GRID1: variants seen among roughly 807,000 people sequenced by gnomAD.
The protein encoded by GRID1 is glutamate ionotropic receptor delta type subunit 1, also known as glutamate receptor ionotropic, delta-1.
GRID1 carries 28 observed loss-of-function variants against 98.0 expected under a neutral mutation model. The ratio of observed to expected loss-of-function variants is 0.29; its 90% CI spans 0.21 to 0.39. The LOEUF (loss-of-function observed/expected upper bound fraction) is 0.39, where lower values mean the gene tolerates loss of function less well. Ranked by LOEUF, GRID1 falls within the 10% of genes least tolerant of loss-of-function variation. The probability of loss-of-function intolerance (pLI) is 1.00; values close to 1 mark genes in which losing one functional copy is unlikely to be tolerated. For synonymous variants in GRID1, 553 were observed against 538.5 expected (o/e 1.03, Z -0.37); for missense variants, 1,111 against 1,340.5 (o/e 0.83, Z 2.67).
chr10:86,150,684 T>C lies in GRID1; in HGVS notation c.521-11660A>G, dbSNP rs568960882. Among the ~76,000 whole-genome samples, 3 of 152,336 alleles carry C rather than the reference T, an allele frequency of 2.0e-5. No individual in the cohort carries two copies. The South Asian group carries it at 6.2e-4, about 32-fold the overall frequency. On this transcript the variant is annotated intron_variant, in intron 3 of 15. Coordinates refer to ENST00000327946, the MANE Select transcript of GRID1 (RefSeq NM_017551.3). ...CCCCAAAATTCATGTGTTAAAATCC[T>C]AACCCTCAAGGTGATGGTATTAGAA...
At chr10:86,220,239 G>A (rs1293396831) in intron 2 of GRID1, among the ~76,000 whole-genome samples, 2 of 152,136 alleles carry the variant, frequency 1.3e-5, no homozygotes, top group African/African-American at 2.4e-5. Flanking sequence ...AGAGGACGCC[G>A]ATTGACACAA....
intron 3 of GRID1, among the ~76,000 whole-genome samples, chr10:86,168,915 A>C (rs563182927): frequency 7.9e-5 from 12 of 152,232 alleles, no homozygotes; most frequent in African/African-American, 2.9e-4. Flanking sequence ...GGACCTTGTG[A>C]GTTCAGCTCG....
intron 3 of GRID1, among the ~76,000 whole-genome samples, chr10:86,187,721 A>G (rs1428483945): frequency 6.6e-6 from 1 of 152,208 alleles, no homozygotes; most frequent in African/African-American, 2.4e-5. Flanking sequence ...GCTCAGGCTG[A>G]GCTGAGCCCA....
intron 5 of GRID1, among the ~76,000 whole-genome samples, chr10:85,878,165 G>T (rs1840930851): frequency 6.6e-6 from 1 of 152,160 alleles, no homozygotes. Context: ...GAAAGTGACG[G>T]GGAGAATGGA....
intron 3 of GRID1, among the ~76,000 whole-genome samples, chr10:86,174,937 A>G (rs929134536): frequency 6.6e-6 from 1 of 152,154 alleles, no homozygotes; most frequent in Non-Finnish European, 1.5e-5. Flanking sequence ...CAAAACCACA[A>G]TGAGATACCA....
intron 4 of GRID1, among the ~76,000 whole-genome samples, chr10:86,074,386 T>C (rs889999019): frequency 2.0e-5 from 3 of 152,184 alleles, no homozygotes; most frequent in Non-Finnish European, 4.4e-5. Context: ...TGTTCAAATG[T>C]TTTCATTCCC....
intron 5 of GRID1, among the ~76,000 whole-genome samples, chr10:85,889,624 C>T (rs905882757): frequency 1.3e-5 from 2 of 152,224 alleles, no homozygotes; most frequent in South Asian, 2.1e-4. Context: ...TGGCTATTGT[C>T]AATAGTGCTG....
intron 4 of GRID1, among the ~76,000 whole-genome samples, chr10:85,918,922 C>G (rs564808904): frequency 6.6e-6 from 1 of 152,170 alleles, no homozygotes; most frequent in Non-Finnish European, 1.5e-5. Flanking sequence ...TTCTCCAGTC[C>G]GGCTGTGTTT....
In GRID1 at chr10:85,674,993, C is replaced by T. The variant is rs546520989; in HGVS notation, c.1998-27596G>A. Reference sequence around the variant, plus strand: ...TTTTTAGGGCTCATTTCTGGGTTCACGTTCAGTGCACTATCAATAGCTTCA... The same window carrying T: ...TTTTTAGGGCTCATTTCTGGGTTCATGTTCAGTGCACTATCAATAGCTTCA... On this transcript the variant is annotated intron_variant, in intron 12 of 15. Coordinates refer to ENST00000327946, the MANE Select transcript of GRID1 (RefSeq NM_017551.3). 9.2e-5 allele frequency among the ~76,000 whole-genome samples: 14 copies of T among 152,226 alleles called. No individual in the cohort carries two copies. In the East Asian group the frequency reaches 2.3e-3, roughly 25 times the overall value.
intron 2 of GRID1, among the ~76,000 whole-genome samples, chr10:86,248,842 G>C (rs1253394229): frequency 6.6e-6 from 1 of 152,214 alleles, no homozygotes; most frequent in African/African-American, 2.4e-5. Flanking sequence ...CAAAGTGTTA[G>C]GAATACAGTG....
intron 4 of GRID1, among the ~76,000 whole-genome samples, chr10:86,033,876 A>G (rs1335878889): frequency 1.3e-5 from 2 of 152,254 alleles, no homozygotes; most frequent in African/African-American, 4.8e-5. Flanking sequence ...CCCTGAGTTA[A>G]GGAAAAAGAA....
intron 2 of GRID1, among the ~76,000 whole-genome samples, chr10:86,294,303 C>T (rs1399402619): frequency 6.6e-6 from 1 of 152,230 alleles, no homozygotes; most frequent in Non-Finnish European, 1.5e-5. Context: ...CTGGCGACTC[C>T]TGTGTGGACC....
At chr10:86,051,298 A>C (rs1843499261) in intron 4 of GRID1, among the ~76,000 whole-genome samples, 1 of 149,300 alleles carries the variant, frequency 6.7e-6, no homozygotes, top group Non-Finnish European at 1.5e-5. Context: ...GGATTTAGAT[A>C]ATTATATACC....
In GRID1 at chr10:85,619,881, G is replaced by A. The variant is rs368578833; in HGVS notation, c.2346C>T (p.Asp782=). 6 of 1,613,884 alleles carry A rather than the reference G, an allele frequency of 3.7e-6. No individual in the cohort carries two copies. Among genetic ancestry groups the A allele is most frequent in the Non-Finnish European group, 4.2e-6 (5 of 1,179,898 alleles). The part of the protein sequence containing the change: ...IALQHGSPYR[D]LFSQRILELQ... The stretch of plus-strand genomic sequence containing the variant: ...CCCAAGCCTACCTCTGGGAGAAGAG[G>A]TCCCTGTAGGGGCTGCCATGCTGCA... Residue 782 remains aspartate (D), a synonymous_variant, in exon 14 of 16, where the codon GAC becomes GAT. Coordinates refer to ENST00000327946, the MANE Select transcript of GRID1 (RefSeq NM_017551.3).
chr10:85,951,911 GC>G (rs1200250406), intron 4 of GRID1, among the ~76,000 whole-genome samples: 1 of 152,210 alleles, frequency 6.6e-6, no homozygotes, highest in African/African-American at 2.4e-5. Flanking sequence ...TGGGGGTGAG[GC>G]CGACGCCTTG....
intron 5 of GRID1, among the ~76,000 whole-genome samples, chr10:85,877,793 G>A (rs973676024): frequency 6.6e-6 from 1 of 152,220 alleles, no homozygotes; most frequent in African/African-American, 2.4e-5. Flanking sequence ...CGAGTTGAGA[G>A]AAGAAGGCTT....
At position 86,232,020 on chromosome 10, in the gene GRID1, A is replaced by G. The variant is rs1846461141; in HGVS notation, c.236-25372T>C. On this transcript the variant is annotated intron_variant, in intron 2 of 15. Coordinates refer to ENST00000327946, the MANE Select transcript of GRID1 (RefSeq NM_017551.3). ...ATGGACATTTTTTTTTACCTCCCAG[A>G]GACTGGGGTACCCTCTTCTCACTGC... 2.6e-5 allele frequency among the ~76,000 whole-genome samples: 4 copies of G among 152,214 alleles called. 1 individual carries two copies. Among genetic ancestry groups the G allele is most frequent in the Middle Eastern group, 6.8e-3 (2 of 294 alleles).
chr10:86,057,779 C>G (rs1843594696), intron 4 of GRID1, among the ~76,000 whole-genome samples: 1 of 152,178 alleles, frequency 6.6e-6, no homozygotes, highest in Admixed American at 6.5e-5. Context: ...TCTCCACACT[C>G]TAATGCATCT....
At chr10:85,944,095 C>T (rs921661886) in intron 4 of GRID1, among the ~76,000 whole-genome samples, 4 of 152,226 alleles carry the variant, frequency 2.6e-5, no homozygotes, top group Admixed American at 6.5e-5. Context: ...AACAGCCACC[C>T]AACTGGCAAC....
Sources: allele counts gnomAD v4.1 joint callset (sites outside exome capture counted in the v4.1 genomes callset), GRCh38; gene constraint gnomAD v4.1.1; transcripts MANE v1.5; gene names NCBI Gene and HGNC (gene_info 2026-07-23, HGNC 2026-07-21).